The following ARHGEF28 variants were observed in gnomAD, a reference collection of about 807,000 sequenced individuals.
ARHGEF28 encodes Rho guanine nucleotide exchange factor 28, also known as 190 kDa guanine nucleotide exchange factor.
Under a neutral mutation model 206.6 loss-of-function variants are expected in ARHGEF28, and 152 were observed. That is an observed-to-expected ratio of 0.74 (90% CI 0.64 to 0.84). The LOEUF is 0.84. ARHGEF28 is among the 40% of genes least tolerant of loss of function. The probability of loss-of-function intolerance (pLI) is 0.00; values close to 1 mark genes in which losing one functional copy is unlikely to be tolerated. For missense variants in ARHGEF28, 2,028 were observed against 2,073.2 expected, an observed-to-expected ratio of 0.98 and a Z score of 0.42; for synonymous variants, 763 against 776.4, an observed-to-expected ratio of 0.98 and a Z score of 0.29.
At chr5:73,907,104 C>G (rs1762597082) in intron 33 of ARHGEF28, among the ~76,000 whole-genome samples, 1 of 152,110 alleles carries the variant, frequency 6.6e-6, no homozygotes, top group Non-Finnish European at 1.5e-5. Flanking sequence ...CTTTTAGTGT[C>G]TTAGGTTAGA....
chr5:73,810,444 T>C (rs1755776612), intron 9 of ARHGEF28, among the ~76,000 whole-genome samples: 1 of 152,212 alleles, frequency 6.6e-6, no homozygotes. Flanking sequence ...ATAGAAATAC[T>C]TTTTATGCAG....
intron 29 of ARHGEF28, 80 bp downstream of exon 29, chr5:73,894,655 G>T (rs1561492749): frequency 6.7e-7 from 1 of 1,485,034 alleles, no homozygotes; most frequent in East Asian, 2.4e-5. Flanking sequence ...ATGCACTGTG[G>T]TCTTGGTGCT....
intron 16 of ARHGEF28, among the ~76,000 whole-genome samples, chr5:73,864,085 T>A (rs575216193): frequency 1.6e-3 from 241 of 152,110 alleles, no homozygotes; most frequent in Non-Finnish European, 2.6e-3. Flanking sequence ...GTGTGTGGGA[T>A]GGTGATGTAC....
At chr5:73,730,521 C>A (rs1020910701) in intron 2 of ARHGEF28, among the ~76,000 whole-genome samples, 7 of 149,754 alleles carry the variant, frequency 4.7e-5, no homozygotes, top group African/African-American at 1.7e-4. Context: ...TCAAACTGTC[C>A]ACCATAAGGA....
chr5:73,905,877 A>C (rs1762521658), intron 33 of ARHGEF28, among the ~76,000 whole-genome samples: 2 of 152,146 alleles, frequency 1.3e-5, no homozygotes, highest in African/African-American at 4.8e-5. Flanking sequence ...TTTTTCTTCC[A>C]TTTGAAGATG....
chr5:73,885,890 C>G lies in ARHGEF28; in HGVS notation c.3096C>G (p.Cys1032Trp), dbSNP rs1761253574. The G allele has an allele frequency of 6.2e-7, 1 of 1,613,126 alleles. No homozygotes were observed. Among genetic ancestry groups the G allele is most frequent in the Non-Finnish European group, 8.5e-7 (1 of 1,179,736 alleles). ...ATAAAGACTTACGCAAAGCGCTTTG[C>G]TTAATTAAAGACATGATTGCAACAG... ...EEHKDLRKAL[C>W]LIKDMIATVD... Residue 1032 changes from cysteine (C) to tryptophan (W), a missense_variant, in exon 25 of 36, where the codon TGC becomes TGG. By Grantham distance (215) the Cys-to-Trp change is radical. Transcript: ENST00000513042.
chr5:73,880,047 A>C (rs140323537), intron 22 of ARHGEF28, among the ~76,000 whole-genome samples: 21,923 of 152,222 alleles, frequency 0.14, 1,798 homozygotes, highest in East Asian at 0.29. Flanking sequence ...CTACAGAGGC[A>C]GGCAGGCCTC....
intron 33 of ARHGEF28, 113 bp downstream of exon 33, chr5:73,904,518 A>T (rs1762446523): frequency 8.5e-7 from 1 of 1,180,074 alleles, no homozygotes; most frequent in Admixed American, 2.8e-5. Flanking sequence ...GAATGATCTT[A>T]AAAGAATGAC....
intron 1 of ARHGEF28, among the ~76,000 whole-genome samples, chr5:73,662,018 G>A (rs961897312): frequency 4.6e-5 from 7 of 152,040 alleles, no homozygotes; most frequent in African/African-American, 1.7e-4. Context: ...ACACAAAAAA[G>A]CAAAATGCAG....
At position 73,913,242 on chromosome 5, in the gene ARHGEF28, A is replaced by C. The variant is rs140841268; in HGVS notation, c.4948+1667A>C. Among the ~76,000 whole-genome samples the C allele has an allele frequency of 5.7e-3, 864 of 152,354 alleles. 8 individuals are homozygous for C. Among genetic ancestry groups the C allele is most frequent in the African/African-American group, 0.02 (830 of 41,570 alleles). ...GAGAGAAGAAAGTCAACTGTGGCTTAAATCTCTCAGGAACATCCTGGTTTA... is the reference window on the plus strand; with the variant it reads ...GAGAGAAGAAAGTCAACTGTGGCTTCAATCTCTCAGGAACATCCTGGTTTA... On this transcript the variant is annotated intron_variant, in intron 35 of 35. Transcript: ENST00000513042.
chr5:73,737,375 C>T (rs899611280), intron 2 of ARHGEF28, among the ~76,000 whole-genome samples: 1 of 151,800 alleles, frequency 6.6e-6, no homozygotes, highest in African/African-American at 2.4e-5. Context: ...TCTCTGCTTG[C>T]CCCCGTCATC....
chr5:73,904,646 A>G lies in ARHGEF28; in HGVS notation c.4161+241A>G, dbSNP rs999684913. ...AAAACAGTTCATATCTTTAAAAAAT[A>G]TTGATGAATATGATCTGGCTTGACA... On this transcript the variant is annotated intron_variant, in intron 33 of 35. Transcript: ENST00000513042. The G allele has an allele frequency of 1.6e-5, 8 of 506,186 alleles. No individual in the cohort carries two copies. In the Admixed American group the frequency reaches 3.0e-4, roughly 19 times the overall value. The allele number at this position is 506,186 out of a possible 1,614,324, so 31.4% of individuals were successfully genotyped here. A position where few individuals can be genotyped will look rare whatever the true frequency, so the allele number is the denominator to read the frequency against.
At chr5:73,870,265 C>T in intron 21 of ARHGEF28, 56 bp downstream of exon 21, 2 of 1,550,444 alleles carry the variant, frequency 1.3e-6, no homozygotes, top group Non-Finnish European at 8.7e-7. Flanking sequence ...GAGAAAAGAA[C>T]ATGGAATTTG....
chr5:73,908,524 T>G (rs1274231044), intron 33 of ARHGEF28: 1 of 152,210 alleles, frequency 6.6e-6, no homozygotes, highest in African/African-American at 2.4e-5. Flanking sequence ...CTTTTAAAAT[T>G]AAAAGCTTCC....
intron 2 of ARHGEF28, among the ~76,000 whole-genome samples, chr5:73,713,344 C>T (rs189188856): frequency 1.3e-5 from 2 of 152,294 alleles, no homozygotes; most frequent in East Asian, 3.9e-4. Flanking sequence ...TTATGTTTCT[C>T]TATCTTTATC....
At chr5:73,894,213 G>A (rs999309313) in intron 28 of ARHGEF28, among the ~76,000 whole-genome samples, 180 bp from the exon 29 acceptor site, 2 of 152,116 alleles carry the variant, frequency 1.3e-5, no homozygotes, top group African/African-American at 4.8e-5. Context: ...ACTTGCTGGA[G>A]GCCACAGTCA....
chr5:73,869,925 A>G (rs972856679), intron 20 of ARHGEF28, 144 bp from the exon 21 acceptor site: 200 of 949,510 alleles, frequency 2.1e-4, no homozygotes, highest in Non-Finnish European at 3.0e-4. Context: ...CAGATGTTTC[A>G]CTCCATGTTA....
intron 2 of ARHGEF28, among the ~76,000 whole-genome samples, chr5:73,722,497 T>A (rs1268261370): frequency 6.6e-6 from 1 of 152,264 alleles, no homozygotes; most frequent in Non-Finnish European, 1.5e-5. Flanking sequence ...ACATTACCAT[T>A]TGTCTCTCAT....
At position 73,911,489 on chromosome 5, in the gene ARHGEF28, A is replaced by T. The variant is rs1013230639; in HGVS notation, c.4862A>T (p.Asn1621Ile). 2 of 1,613,844 alleles carry T rather than the reference A, an allele frequency of 1.2e-6. No individual in the cohort carries two copies. Among genetic ancestry groups the T allele is most frequent in the Non-Finnish European group, 1.7e-6 (2 of 1,179,882 alleles). Reference protein sequence around the residue: ...DLKVDPSQPSNVSHKLWTAAG... With the variant: ...DLKVDPSQPSIVSHKLWTAAG... Reference sequence around the variant, plus strand: ...AAGGTGGACCCTTCTCAGCCTTCGAATGTCAGTCACAAACTGTGGACAGCC... The same window carrying T: ...AAGGTGGACCCTTCTCAGCCTTCGATTGTCAGTCACAAACTGTGGACAGCC... The change falls in exon 35 of 36, where the codon AAT becomes ATT. Residue 1621 changes from asparagine (N) to isoleucine (I), a missense_variant. Physicochemically the swap from Asn to Ile is moderately radical, Grantham distance 149 (BLOSUM62 -3). Around this residue, in one of 3 missense-constraint regions of ARHGEF28, gnomAD observed 803 missense variants for 768.0 expected, o/e 1.05. Coordinates refer to ENST00000513042, the MANE Select transcript of ARHGEF28 (RefSeq NM_001177693.2).
Sources: gnomAD v4.1 joint callset for allele counts (sites outside exome capture counted in the v4.1 genomes callset) on GRCh38, gnomAD v4.1.1 for gene constraint, gnomAD v4.1.1 regional missense constraint, MANE v1.5 for transcripts, NCBI Gene and HGNC (gene_info 2026-07-23, HGNC 2026-07-21) for gene names.